Variants in BTF3L4 observed in about 807,000 individuals in gnomAD.
The protein encoded by BTF3L4 is basic transcription factor 3 like 4.
BTF3L4 carries 6 observed loss-of-function variants against 16.8 expected under a neutral mutation model. That is an observed-to-expected ratio of 0.36 (90% CI 0.20 to 0.71). The LOEUF (loss-of-function observed/expected upper bound fraction) is 0.71, where lower values mean the gene tolerates loss of function less well. BTF3L4 is among the 30% of genes least tolerant of loss of function. BTF3L4 has a pLI of 0.58. For missense variants in BTF3L4, 92 were observed against 186.9 expected (o/e 0.49, Z 2.96); for synonymous variants, 39 against 59.8 (o/e 0.65, Z 1.60).
At chr1:52,083,650 A>C (rs1464770423) in intron 4 of BTF3L4, 109 bp downstream of exon 4, 4 of 849,738 alleles carry the variant, frequency 4.7e-6, no homozygotes, top group African/African-American at 1.7e-5. Context: ...TAATTATTTT[A>C]CTTTCTATAA....
At chr1:52,079,933 A>G (rs1174275712) in intron 3 of BTF3L4, among the ~76,000 whole-genome samples, 3 of 142,054 alleles carry the variant, frequency 2.1e-5, no homozygotes, top group African/African-American at 7.9e-5. Flanking sequence ...GTGCAATGGC[A>G]TGATCTGAGC....
At chr1:52,070,232 A>C (rs887420890) in intron 3 of BTF3L4, among the ~76,000 whole-genome samples, 6 of 151,996 alleles carry the variant, frequency 3.9e-5, no homozygotes, top group Admixed American at 2.0e-4. Context: ...AAAAAAACTA[A>C]AAGACTATTT....
At chr1:52,074,820 T>C (rs1015853389) in intron 3 of BTF3L4, among the ~76,000 whole-genome samples, 1 of 152,204 alleles carries the variant, frequency 6.6e-6, no homozygotes, top group African/African-American at 2.4e-5. Context: ...GTTTTTGTTT[T>C]AAAAGAATCA....
chr1:52,068,289 C>T lies in BTF3L4; in HGVS notation c.168+3351C>T, dbSNP rs1489853457. Among the ~76,000 whole-genome samples, 12 of 152,162 alleles carry T rather than the reference C, an allele frequency of 7.9e-5. 1 individual carries two copies. The South Asian group carries it at 1.4e-3, about 18-fold the overall frequency. ...TAACAAAGTACTTAATGATAGTCAACGTTTATTAAACATCTGCGTGCTAAG... is the reference window on the plus strand; with the variant it reads ...TAACAAAGTACTTAATGATAGTCAATGTTTATTAAACATCTGCGTGCTAAG... On this transcript the variant is annotated intron_variant, in intron 3 of 5. Transcript: ENST00000313334.
chr1:52,075,219 G>T (rs1423498169), intron 3 of BTF3L4, among the ~76,000 whole-genome samples: 2 of 151,668 alleles, frequency 1.3e-5, no homozygotes, highest in East Asian at 3.9e-4. Context: ...ATAATGTTTT[G>T]ATAATAAAAG....
At chr1:52,061,023 A>C (rs2124413464) in intron 2 of BTF3L4, among the ~76,000 whole-genome samples, 1 of 152,368 alleles carries the variant, frequency 6.6e-6, no homozygotes, top group African/African-American at 2.4e-5. Context: ...GCCAGCACAT[A>C]GAAGATAAAC....
chr1:52,061,635 C>CTTTTTT (rs67186641), intron 2 of BTF3L4, among the ~76,000 whole-genome samples: 1 of 65,016 alleles, frequency 1.5e-5, no homozygotes, highest in African/African-American at 5.8e-5. Context: ...TACAGCTATT[C>CTTTTTT]TTTTTTTTTT....
At chr1:52,072,514 TCTA>T (rs1686816280) in intron 3 of BTF3L4, among the ~76,000 whole-genome samples, 1 of 152,142 alleles carries the variant, frequency 6.6e-6, no homozygotes, top group Non-Finnish European at 1.5e-5. Flanking sequence ...TAACCGCCAA[TCTA>T]CTTTCTATTT....
intron 2 of BTF3L4, among the ~76,000 whole-genome samples, 173 bp downstream of exon 2, chr1:52,060,074 C>A (rs1686470416): frequency 6.6e-6 from 1 of 152,168 alleles, no homozygotes; most frequent in Admixed American, 6.5e-5. Context: ...GAACACTTTT[C>A]TCTCTGATGA....
chr1:52,073,492 A>ATATATGC lies in BTF3L4; in HGVS notation c.168+8556_168+8557insTATGCTA, dbSNP rs1491420806. Among the ~76,000 whole-genome samples the ATATATGC allele has an allele frequency of 2.4e-3, 189 of 80,328 alleles. 5 individuals carry two copies. In the East Asian group the frequency reaches 0.061, roughly 26 times the overall value. The allele number at this position is 80,328 out of a possible 152,430, so 52.7% of individuals were successfully genotyped here. On this transcript the variant is annotated intron_variant, in intron 3 of 5. Transcript: ENST00000313334. ...TATATATGCACTATATATATGCTAC[A>ATATATGC]TACACACACACACACACACACACAC... is the stretch of plus-strand genomic sequence containing the variant.
At chr1:52,065,610 G>A (rs1031228328) in intron 3 of BTF3L4, among the ~76,000 whole-genome samples, 1 of 152,106 alleles carries the variant, frequency 6.6e-6, no homozygotes, top group Admixed American at 6.6e-5. Context: ...TGGCTCAATA[G>A]AGGTAGACTT....
intron 3 of BTF3L4, among the ~76,000 whole-genome samples, chr1:52,077,898 G>A (rs1220617769): frequency 1.3e-5 from 2 of 152,142 alleles, no homozygotes; most frequent in African/African-American, 4.8e-5. Context: ...CCCTAATTCT[G>A]GAGGGTAGGT....
rs530933677 is a variant in BTF3L4 at position 52,080,875 on chromosome 1, C to G, written c.169-2465C>G. On this transcript the variant is annotated intron_variant, in intron 3 of 5. Transcript: ENST00000313334. ...TTTTTTTTTCTGAGAAAGTCTCACT[C>G]GGTAGCCAGGCTGGAATGCAGTGGC... Among the ~76,000 whole-genome samples the G allele has an allele frequency of 3.1e-3, 414 of 134,382 alleles. 2 individuals are homozygous for G. The highest frequency in any genetic ancestry group is 0.011 in the African/African-American group (394 of 35,556). The allele number at this position is 134,382 out of a possible 152,430, so 88.2% of individuals were successfully genotyped here.
At chr1:52,071,403 T>G (rs1245299273) in intron 3 of BTF3L4, 2 of 152,242 alleles carry the variant, frequency 1.3e-5, no homozygotes, top group African/African-American at 4.8e-5. Flanking sequence ...TTTCGCTATC[T>G]CATATCGTGG....
chr1:52,077,280 A>G (rs1185383967), intron 3 of BTF3L4, among the ~76,000 whole-genome samples: 1 of 152,198 alleles, frequency 6.6e-6, no homozygotes. Flanking sequence ...GGTAGCTCCT[A>G]CCTGTAATCA....
At chr1:52,076,114 G>A (rs935749305) in intron 3 of BTF3L4, among the ~76,000 whole-genome samples, 1 of 152,230 alleles carries the variant, frequency 6.6e-6, no homozygotes, top group Non-Finnish European at 1.5e-5. Flanking sequence ...AGCTGGGCAC[G>A]GGAATTCTTT....
chr1:52,056,687 A>G (rs1027854463), intron 1 of BTF3L4, among the ~76,000 whole-genome samples: 1 of 152,236 alleles, frequency 6.6e-6, no homozygotes, highest in Non-Finnish European at 1.5e-5. Flanking sequence ...CCTTGCTCAC[A>G]ACAGCAGTGT....
intron 3 of BTF3L4, among the ~76,000 whole-genome samples, chr1:52,070,755 A>T (rs561507065): frequency 6.7e-6 from 1 of 149,110 alleles, no homozygotes; most frequent in Non-Finnish European, 1.5e-5. Context: ...CTCATGCCTC[A>T]GCCTCCTGAG....
intron 3 of BTF3L4, among the ~76,000 whole-genome samples, chr1:52,066,226 C>T (rs1686644050): frequency 2.0e-5 from 3 of 152,038 alleles, no homozygotes; most frequent in African/African-American, 7.2e-5. Flanking sequence ...CAGAATCTCA[C>T]TCTGTCACCC....
Sources: gnomAD v4.1 joint callset for allele counts (sites outside exome capture counted in the v4.1 genomes callset) on GRCh38, gnomAD v4.1.1 for gene constraint, MANE v1.5 for transcripts, NCBI Gene and HGNC (gene_info 2026-07-23, HGNC 2026-07-21) for gene names.